The following SRBD1 variants were observed in gnomAD, a reference collection of about 807,000 sequenced individuals.
The protein encoded by SRBD1 is S1 RNA binding domain 1.
In SRBD1, 88 loss-of-function variants were observed where a neutral mutation model predicts 115.3. The ratio of observed to expected loss-of-function variants is 0.76; its 90% CI spans 0.64 to 0.91. SRBD1 has a LOEUF of 0.91. Ranked by LOEUF, SRBD1 falls within the 40% of genes least tolerant of loss-of-function variation. The pLI, the probability that SRBD1 is intolerant of heterozygous loss-of-function variation, is 0.00. For missense variants in SRBD1, 1,385 were observed against 1,177.4 expected, an observed-to-expected ratio of 1.18 and a Z score of -2.58; for synonymous variants, 509 against 407.7, an observed-to-expected ratio of 1.25 and a Z score of -2.99.
At chr2:45,594,070 T>A (rs1673812319) in intron 4 of SRBD1, among the ~76,000 whole-genome samples, 1 of 152,180 alleles carries the variant, frequency 6.6e-6, no homozygotes, top group Non-Finnish European at 1.5e-5. Flanking sequence ...TAAATTATAT[T>A]AACAAAAAGT....
intron 16 of SRBD1, among the ~76,000 whole-genome samples, chr2:45,456,914 T>C (rs1039482271): frequency 6.6e-6 from 1 of 151,914 alleles, no homozygotes; most frequent in Non-Finnish European, 1.5e-5. Context: ...TAATTCATGG[T>C]ATGTAATGGA....
intron 6 of SRBD1, 108 bp downstream of exon 6, chr2:45,581,585 G>A (rs1484211685): frequency 1.2e-5 from 9 of 726,902 alleles, no homozygotes; most frequent in Admixed American, 5.2e-5. Context: ...ATTAAATAAT[G>A]GTGGCTAATG....
intron 16 of SRBD1, among the ~76,000 whole-genome samples, chr2:45,474,001 A>T (rs140163615): frequency 1.2e-3 from 178 of 152,340 alleles, no homozygotes; most frequent in African/African-American, 4.1e-3. Flanking sequence ...ATTCTGAAGG[A>T]ATTCAACCTT....
intron 14 of SRBD1, among the ~76,000 whole-genome samples, chr2:45,499,912 T>C (rs945758841): frequency 2.0e-5 from 3 of 152,206 alleles, no homozygotes; most frequent in African/African-American, 7.2e-5. Context: ...GTAGTATACT[T>C]TGAAATCAGG....
chr2:45,547,707 C>A, intron 12 of SRBD1, 95 bp from the exon 13 acceptor site: 1 of 1,010,554 alleles, frequency 9.9e-7, no homozygotes, highest in Non-Finnish European at 1.5e-6. Flanking sequence ...GAAAAGGAGA[C>A]TGGCTTGTTT....
chr2:45,562,976 C>T (rs919807961), intron 9 of SRBD1, among the ~76,000 whole-genome samples: 1 of 152,172 alleles, frequency 6.6e-6, no homozygotes, highest in African/African-American at 2.4e-5. Flanking sequence ...CAAAGCCTAT[C>T]TAACACATTT....
At chr2:45,512,393 C>T (rs996321812) in intron 14 of SRBD1, among the ~76,000 whole-genome samples, 3 of 152,236 alleles carry the variant, frequency 2.0e-5, no homozygotes, top group East Asian at 1.9e-4. Flanking sequence ...ACTGAGAATA[C>T]GCATCACTTA....
chr2:45,585,259 T>A (rs1162780998), intron 5 of SRBD1, among the ~76,000 whole-genome samples: 1 of 152,200 alleles, frequency 6.6e-6, no homozygotes, highest in Non-Finnish European at 1.5e-5. Context: ...GACAGATTTA[T>A]GTGAGTGGTT....
At position 45,393,100 on chromosome 2, in the gene SRBD1, T is replaced by C. The variant is rs200089125; in HGVS notation, c.2543A>G (p.Tyr848Cys). ...TTGCATTTCAGGCTTTCCAACCTCA[T>C]ACAGTGTCCCTCCAATGGATGACAA... ...RFLSSIGGTL[Y>C]EVGKPEMQQK... The change falls in exon 20 of 21, where the codon TAT (tyrosine) becomes TGT (cysteine). Residue 848 changes from tyrosine (Y) to cysteine (C), a missense_variant. Transcript: ENST00000263736. The C allele has an allele frequency of 7.1e-5, 114 of 1,612,674 alleles. No individual in the cohort carries two copies. Among genetic ancestry groups the C allele is most frequent in the Non-Finnish European group, 9.2e-5 (108 of 1,179,536 alleles).
intron 10 of SRBD1, among the ~76,000 whole-genome samples, chr2:45,554,538 T>C (rs1426821285): frequency 6.6e-6 from 1 of 152,178 alleles, no homozygotes; most frequent in Non-Finnish European, 1.5e-5. Context: ...CAGGCCACAA[T>C]GCTCTACCAG....
chr2:45,590,306 T>G (rs997309596), intron 4 of SRBD1, among the ~76,000 whole-genome samples: 20 of 152,232 alleles, frequency 1.3e-4, no homozygotes, highest in Non-Finnish European at 2.4e-4. Flanking sequence ...AGTTTAGCTT[T>G]GAAACGAAGA....
Position 45,413,174 on chromosome 2 carries a change from A to G in SRBD1, c.2453T>C (p.Leu818Pro), listed in dbSNP as rs1196361460. 1 of 1,614,150 alleles carries G rather than the reference A, an allele frequency of 6.2e-7. No individual in the cohort carries two copies. Among genetic ancestry groups the G allele is most frequent in the Non-Finnish European group, 8.5e-7 (1 of 1,179,988 alleles). Residue 818 changes from leucine to proline, a missense_variant, in exon 19 of 21, where the codon CTG (leucine) becomes CCG (proline). Coordinates refer to ENST00000263736, the MANE Select transcript of SRBD1 (RefSeq NM_018079.5). ...AGTTTGGTCCAAAGGATTTGGCTTC[A>G]GTAAAACATTCACTGCAGTTTTGCT... ...KKSKTAVNVL[L>P]KPNPLDQTCI...
At chr2:45,403,889 CTT>C (rs1433036682) in intron 19 of SRBD1, among the ~76,000 whole-genome samples, 2 of 152,096 alleles carry the variant, frequency 1.3e-5, no homozygotes, top group Non-Finnish European at 2.9e-5. Flanking sequence ...TCTTTGTACT[CTT>C]ATTTTAATAT....
chr2:45,544,479 C>T (rs893010609), intron 14 of SRBD1, among the ~76,000 whole-genome samples: 1 of 152,100 alleles, frequency 6.6e-6, no homozygotes, highest in Non-Finnish European at 1.5e-5. Context: ...AGGCCTGAAC[C>T]TAGGTCGTCT....
chr2:45,500,087 G>C (rs1284053801), intron 14 of SRBD1, among the ~76,000 whole-genome samples: 1 of 152,078 alleles, frequency 6.6e-6, no homozygotes, highest in African/African-American at 2.4e-5. Flanking sequence ...ACTTTGGGTA[G>C]TAAAGACATT....
intron 14 of SRBD1, among the ~76,000 whole-genome samples, chr2:45,512,132 GAT>G (rs1325249807): frequency 6.6e-6 from 1 of 152,164 alleles, no homozygotes; most frequent in African/African-American, 2.4e-5. Flanking sequence ...CTTTTGTCAA[GAT>G]ATGAGTCTTG....
intron 16 of SRBD1, among the ~76,000 whole-genome samples, chr2:45,423,906 A>G (rs1460787783): frequency 6.6e-6 from 1 of 152,152 alleles, no homozygotes; most frequent in Non-Finnish European, 1.5e-5. Context: ...CATTGTTTTC[A>G]TTTTAAAACA....
intron 10 of SRBD1, among the ~76,000 whole-genome samples, chr2:45,557,918 T>C (rs1326329612): frequency 2.6e-5 from 4 of 152,100 alleles, no homozygotes; most frequent in African/African-American, 4.8e-5. Context: ...TTGCATACAA[T>C]GAAGCACAAA....
At chr2:45,553,590 A>G (rs1345149251) in intron 11 of SRBD1, 33 bp downstream of exon 11, 13 of 1,393,130 alleles carry the variant, frequency 9.3e-6, no homozygotes, top group Non-Finnish European at 1.1e-5. Flanking sequence ...AACAATAATC[A>G]GTACACAAAA....
Sources: gnomAD v4.1 joint callset for allele counts (sites outside exome capture counted in the v4.1 genomes callset) on GRCh38, gnomAD v4.1.1 for gene constraint, MANE v1.5 for transcripts, NCBI Gene and HGNC (gene_info 2026-07-23, HGNC 2026-07-21) for gene names.